DPP10: variants seen among roughly 807,000 people sequenced by gnomAD.
DPP10 encodes inactive dipeptidyl peptidase 10.
Under a neutral mutation model 120.9 loss-of-function variants are expected in DPP10, and 33 were observed. The observed-to-expected ratio is 0.27, with a 90% confidence interval of 0.21 to 0.37. DPP10 has a LOEUF of 0.37. Among genes scored for constraint, DPP10 ranks in the 10% least tolerant of loss-of-function variants. DPP10 has a pLI of 1.00. For synonymous variants in DPP10, 337 were observed against 326.1 expected (o/e 1.03, Z -0.36); for missense variants, 816 against 942.8 (o/e 0.87, Z 1.76).
intron 3 of DPP10, among the ~76,000 whole-genome samples, chr2:115,459,938 T>TATACACAC (rs66927327): frequency 5.4e-5 from 7 of 128,528 alleles, no homozygotes; most frequent in African/African-American, 1.6e-4. Flanking sequence ...TATATATATA[T>TATACACAC]ACACACACAC....
chr2:115,482,237 AT>A (rs2075479261), intron 3 of DPP10, among the ~76,000 whole-genome samples: 1 of 151,772 alleles, frequency 6.6e-6, no homozygotes, highest in Non-Finnish European at 1.5e-5. Flanking sequence ...TTTAAAAATA[AT>A]TTTTATTGTG....
At chr2:114,700,638 T>C (rs1457964187) in intron 1 of DPP10, among the ~76,000 whole-genome samples, 1 of 152,100 alleles carries the variant, frequency 6.6e-6, no homozygotes, top group African/African-American at 2.4e-5. Flanking sequence ...TTTGACCACG[T>C]CACTTCCTCT....
intron 1 of DPP10, among the ~76,000 whole-genome samples, chr2:114,967,581 T>C (rs1699122321): frequency 6.6e-6 from 1 of 152,120 alleles, no homozygotes; most frequent in African/African-American, 2.4e-5. Flanking sequence ...TGAATGATCA[T>C]GTAAGCAAGG....
intron 1 of DPP10, among the ~76,000 whole-genome samples, chr2:115,281,439 G>A (rs2060153713): frequency 1.3e-5 from 2 of 152,146 alleles, no homozygotes; most frequent in South Asian, 4.1e-4. Flanking sequence ...TTCTTCCTCA[G>A]TGGAGCTCAT....
intron 1 of DPP10, among the ~76,000 whole-genome samples, chr2:114,654,217 T>C (rs1696811891): frequency 6.6e-6 from 1 of 152,204 alleles, no homozygotes. Context: ...TTTCTGCTTC[T>C]ACTTAGGTTC....
chr2:115,289,506 G>GAAGAAAAAAA (rs2060564522), intron 1 of DPP10, among the ~76,000 whole-genome samples: 5 of 114,376 alleles, frequency 4.4e-5, no homozygotes, highest in South Asian at 3.1e-4. Flanking sequence ...AAAAAAAAAG[G>GAAGAAAAAAA]AAGAAAAGAA....
chr2:115,247,761 A>C (rs1192074924), intron 1 of DPP10, among the ~76,000 whole-genome samples: 1 of 152,176 alleles, frequency 6.6e-6, no homozygotes, highest in Non-Finnish European at 1.5e-5. Flanking sequence ...ACTTTCAAGA[A>C]GGTTGATGAT....
At chr2:115,616,855 G>A (rs559430210) in intron 5 of DPP10, among the ~76,000 whole-genome samples, 48 of 152,020 alleles carry the variant, frequency 3.2e-4, no homozygotes, top group African/African-American at 7.5e-4. Flanking sequence ...TTCAACCACC[G>A]TCTCATGCTA....
chr2:115,707,112 A>AT (rs1350935461), intron 7 of DPP10, among the ~76,000 whole-genome samples: 2 of 152,006 alleles, frequency 1.3e-5, no homozygotes, highest in Admixed American at 6.6e-5. Flanking sequence ...ACTTTAATAG[A>AT]TTTTGAGAAA....
chr2:115,479,126 C>T (rs1319056012), intron 3 of DPP10, among the ~76,000 whole-genome samples: 1 of 152,088 alleles, frequency 6.6e-6, no homozygotes, highest in Non-Finnish European at 1.5e-5. Context: ...CAGCATTATT[C>T]ACAAAAGCTA....
intron 5 of DPP10, among the ~76,000 whole-genome samples, chr2:115,644,458 A>G (rs2087059821): frequency 6.6e-6 from 1 of 151,998 alleles, no homozygotes; most frequent in African/African-American, 2.4e-5. Flanking sequence ...TGATGGTAAT[A>G]ATAGTTTCTT....
At position 115,842,655 on chromosome 2, in the gene DPP10, A is replaced by C; in HGVS notation, c.*310A>C. 1 of 204,076 alleles carries C rather than the reference A, an allele frequency of 4.9e-6. No individual in the cohort carries two copies. Among genetic ancestry groups the C allele is most frequent in the Non-Finnish European group, 9.9e-6 (1 of 100,650 alleles). The allele number at this position is 204,076 out of a possible 1,614,324, so 12.6% of individuals were successfully genotyped here. A position where few individuals can be genotyped will look rare whatever the true frequency, so the allele number is the denominator to read the frequency against. On this transcript the variant is annotated 3_prime_UTR_variant, in exon 26 of 26. Transcript: ENST00000410059. ...TTATCCCCCTGTTTGTTCTGTAACT[A>C]GTTGCTCTCATTTTAATTTCACTGG...
intron 1 of DPP10, among the ~76,000 whole-genome samples, chr2:114,933,524 G>A (rs1024966819): frequency 6.6e-6 from 1 of 152,136 alleles, no homozygotes; most frequent in African/African-American, 2.4e-5. Flanking sequence ...GCAAAAGAAA[G>A]TCAAACAGGG....
At chr2:114,772,895 C>T (rs1332903147) in intron 1 of DPP10, among the ~76,000 whole-genome samples, 4 of 152,124 alleles carry the variant, frequency 2.6e-5, no homozygotes, top group African/African-American at 4.8e-5. Flanking sequence ...CCAGCAGATA[C>T]TTAAGTAATG....
At chr2:115,244,239 TAGAGAGAGAG>T (rs67598156) in intron 1 of DPP10, among the ~76,000 whole-genome samples, 3,222 of 93,332 alleles carry the variant, frequency 0.035, 99 homozygotes, top group African/African-American at 0.089. Flanking sequence ...TATATATATA[TAGAGAGAGAG>T]AGAGAGAGAG....
In DPP10 at chr2:115,188,294, G is replaced by T. The variant is rs146697383; in HGVS notation, c.61-120945G>T. On this transcript the variant is annotated intron_variant, in intron 1 of 25. Coordinates refer to ENST00000410059, the MANE Select transcript of DPP10 (RefSeq NM_020868.6). ...GATGTGTATGGGCTACAGGCAAAGA[G>T]CTAGTTGAGACTAAGATTGGAAATA... 4.6e-5 allele frequency among the ~76,000 whole-genome samples: 7 copies of T among 152,280 alleles called. 1 individual carries two copies. Among genetic ancestry groups the T allele is most frequent in the African/African-American group, 1.4e-4 (6 of 41,548 alleles).
At chr2:114,633,248 C>CTTTTTTTTTTTTTTT (rs35372708) in intron 1 of DPP10, among the ~76,000 whole-genome samples, 1 of 72,778 alleles carries the variant, frequency 1.4e-5, no homozygotes, top group African/African-American at 7.3e-5. Flanking sequence ...GTTTTTCTTT[C>CTTTTTTTTTTTTTTT]TTTTTTTTTT....
chr2:114,712,258 T>G (rs1701076908), intron 1 of DPP10, among the ~76,000 whole-genome samples: 1 of 152,118 alleles, frequency 6.6e-6, no homozygotes, highest in Admixed American at 6.5e-5. Flanking sequence ...AGATGGAGGT[T>G]GCAGTGAGCC....
chr2:115,295,076 A>G (rs960645820), intron 1 of DPP10, among the ~76,000 whole-genome samples: 2 of 152,110 alleles, frequency 1.3e-5, no homozygotes, highest in Non-Finnish European at 2.9e-5. Flanking sequence ...GTCTTTTCAA[A>G]TTGTATGAGG....
Sources: allele counts gnomAD v4.1 joint callset (sites outside exome capture counted in the v4.1 genomes callset), GRCh38; gene constraint gnomAD v4.1.1; transcripts MANE v1.5; gene names NCBI Gene and HGNC (gene_info 2026-07-23, HGNC 2026-07-21).